Variants in LIPE observed in about 807,000 individuals in gnomAD.
The protein encoded by LIPE is lipase E, hormone sensitive type, also known as hormone-sensitive lipase.
A neutral mutation model predicts 88.5 loss-of-function variants in LIPE; 66 were observed. The observed-to-expected ratio is 0.75, with a 90% CI of 0.61 to 0.91. LIPE has a LOEUF of 0.91. Ranked by LOEUF, LIPE falls within the 40% of genes least tolerant of loss-of-function variation. The pLI is 0.00. For synonymous variants in LIPE, 570 were observed against 617.5 expected, an observed-to-expected ratio of 0.92 and a Z score of 1.14; for missense variants, 1,346 against 1,434.7, an observed-to-expected ratio of 0.94 and a Z score of 1.00.
Position 42,402,736 on chromosome 19 carries a change from G to T in LIPE, c.2838C>A (p.His946Gln). The change falls in exon 9 of 10, where the codon CAC becomes CAA. Residue 946 changes from histidine to glutamine, a missense_variant. Coordinates refer to ENST00000244289, the MANE Select transcript of LIPE (RefSeq NM_005357.4). ...GVRAAFPEGF[H>Q]PRRSSQGATQ... ...TGGCACCCTGGCTGGAGCGTCGGGG[G>T]TGGAAACCCTCGGGGAAGGCGGCAC... 1 of 1,567,178 alleles carries T rather than the reference G, an allele frequency of 6.4e-7. No individual in the cohort carries two copies.
rs2040283899 is a variant in LIPE at position 42,408,966 on chromosome 19, C to T, written c.1420-644G>A. Among the ~76,000 whole-genome samples the T allele has an allele frequency of 6.6e-6, 1 of 151,934 alleles. No homozygotes were observed. Among genetic ancestry groups the T allele is most frequent in the South Asian group, 2.1e-4 (1 of 4,812 alleles). On this transcript the variant is annotated intron_variant, in intron 2 of 9. Coordinates refer to ENST00000244289, the MANE Select transcript of LIPE (RefSeq NM_005357.4). This position sits in a 1 kb window ranked among gnomAD's most constrained non-coding sequence, Gnocchi z 4.3. ...GAGGCAAAGGGGGCTCATATAGGGC[C>T]TGGGCAGAGGAATTTGGATTTCATT...
intron 1 of LIPE, among the ~76,000 whole-genome samples, chr19:42,419,803 T>C (rs1275229593): frequency 1.3e-5 from 2 of 151,990 alleles, no homozygotes; most frequent in African/African-American, 2.4e-5. Context: ...GTGGGGACAA[T>C]GAGTGGCTGG....
Position 42,407,463 on chromosome 19 carries a change from ACTGTC to A in LIPE, c.1843_1847del (p.Asp615Ter). 1 of 1,611,158 alleles carries A rather than the reference ACTGTC, an allele frequency of 6.2e-7. No individual in the cohort carries two copies. Among genetic ancestry groups the A allele is most frequent in the African/African-American group, 1.3e-5 (1 of 74,916 alleles). ...ACTTTATCAGGCTGCTGAGCTCCTCACTGTCCTGGGGGTGAGGAGGGAGACGGTGT... is the reference window on the plus strand; with the variant it reads ...ACTTTATCAGGCTGCTGAGCTCCTCACTGGGGGTGAGGAGGGAGACGGTGT... On this transcript the variant is annotated frameshift_variant and splice_region_variant, in exon 6 of 10. Transcript: ENST00000244289. LOFTEE classifies it high-confidence loss of function. This position sits in a 1 kb window ranked among gnomAD's most constrained non-coding sequence, Gnocchi z 5.8.
At position 42,410,758 on chromosome 19, in the gene LIPE, GAGA is replaced by G; in HGVS notation, c.965_967del (p.Phe322del). 1.2e-6 allele frequency: 2 copies of G among 1,613,034 alleles called. No individual in the cohort carries two copies. Among genetic ancestry groups the G allele is most frequent in the South Asian group, 1.1e-5 (1 of 90,938 alleles). ...GGCCGTTTCCCCAGGACCCTGGCTC[GAGA>G]AGAAGGCTATGTTGTCCTCCGCCAG... is the stretch of plus-strand genomic sequence containing the variant. On this transcript the variant is annotated inframe_deletion, in exon 2 of 10. Coordinates refer to ENST00000244289, the MANE Select transcript of LIPE (RefSeq NM_005357.4). This position sits in a 1 kb window ranked among gnomAD's most constrained non-coding sequence, Gnocchi z 6.1.
chr19:42,422,485 CGT>C (rs1491158658), intron 1 of LIPE, among the ~76,000 whole-genome samples: 1 of 152,148 alleles, frequency 6.6e-6, no homozygotes, highest in Non-Finnish European at 1.5e-5. Flanking sequence ...TCTGAGCCTG[CGT>C]GTGTCTGAAG....
intron 1 of LIPE, chr19:42,423,566 A>T (rs1480850490): frequency 3.3e-6 from 4 of 1,226,620 alleles, no homozygotes; most frequent in Non-Finnish European, 4.2e-6. Flanking sequence ...CGCGGGGGCC[A>T]ATTCCAGCCG....
intron 8 of LIPE, among the ~76,000 whole-genome samples, chr19:42,405,162 C>T (rs929624346): frequency 1.3e-5 from 2 of 152,186 alleles, no homozygotes; most frequent in East Asian, 1.9e-4. Flanking sequence ...ACCACCACAC[C>T]TGGCTAATAT....
chr19:42,421,694 C>A (rs750872514), intron 1 of LIPE, among the ~76,000 whole-genome samples: 1 of 152,192 alleles, frequency 6.6e-6, no homozygotes, highest in African/African-American at 2.4e-5. Context: ...GAAGCCCAGG[C>A]GGCCTTGGTC....
chr19:42,424,657 C>T (rs758727811), intron 1 of LIPE: 2 of 456,250 alleles, frequency 4.4e-6, no homozygotes, highest in South Asian at 1.5e-5. Context: ...GGAGGGGCCG[C>T]CATTGCCTGC....
At position 42,408,443 on chromosome 19, in the gene LIPE, A is replaced by G. The variant is rs2040263374; in HGVS notation, c.1420-121T>C. 3.8e-6 allele frequency: 3 copies of G among 789,440 alleles called. No homozygotes were observed. The highest frequency in any genetic ancestry group is 1.5e-5 in the South Asian group (1 of 68,286). 48.9% of individuals were successfully genotyped at this position (789,440 alleles called of 1,614,324 possible). A position where few individuals can be genotyped will look rare whatever the true frequency, so the allele number is the denominator to read the frequency against. Reference sequence around the variant, plus strand: ...TTCAGTAAACGTTTCATGAGCTCCTACTGTGTGCTGGGCATAGCTCTCGGC... The same window carrying G: ...TTCAGTAAACGTTTCATGAGCTCCTGCTGTGTGCTGGGCATAGCTCTCGGC... On this transcript the variant is annotated intron_variant, in intron 2 of 9. Coordinates refer to ENST00000244289, the MANE Select transcript of LIPE (RefSeq NM_005357.4). This position sits in a 1 kb window ranked among gnomAD's most constrained non-coding sequence, Gnocchi z 4.3.
Position 42,426,136 on chromosome 19 carries a change from A to T in LIPE, c.883+131T>A, listed in dbSNP as rs35135831. 5,395 of 256,032 alleles carry T rather than the reference A, an allele frequency of 0.021. 272 individuals are homozygous for T. The highest frequency in any genetic ancestry group is 0.15 in the African/African-American group (4,679 of 31,278). The allele number at this position is 256,032 out of a possible 1,614,324, so 15.9% of individuals were successfully genotyped here. A position where few individuals can be genotyped will look rare whatever the true frequency, so the allele number is the denominator to read the frequency against. ...TTTTTTTTTTTTTTTAATAATGGGGATGTTGATCTTTATCTCAGGATTGTT... is the reference window on the plus strand; with the variant it reads ...TTTTTTTTTTTTTTTAATAATGGGGTTGTTGATCTTTATCTCAGGATTGTT... On this transcript the variant is annotated intron_variant, in intron 1 of 9. Transcript: ENST00000244289.
At chr19:42,411,541 C>T (rs1460376155) in intron 1 of LIPE, among the ~76,000 whole-genome samples, 7 of 152,292 alleles carry the variant, frequency 4.6e-5, no homozygotes, top group African/African-American at 7.2e-5. Context: ...TCCCATCTCT[C>T]GGGACCCTGG....
In LIPE at chr19:42,410,550, G is replaced by A. The variant is rs1338389940; in HGVS notation, c.1176C>T (p.Arg392=). 1.2e-6 allele frequency: 2 copies of A among 1,612,808 alleles called. No individual in the cohort carries two copies. Among genetic ancestry groups the A allele is most frequent in the Non-Finnish European group, 1.7e-6 (2 of 1,179,972 alleles). The change falls in exon 2 of 10, where the codon CGC becomes CGT. Residue 392 remains arginine, a synonymous_variant. Transcript: ENST00000244289. The surrounding 1 kb of genome is among the most constrained non-coding windows in gnomAD (Gnocchi z 6.1). ...CCLAHLLHKS[R]YVASNRRSIF... ...TGCTGCGGCGGTTGGAGGCCACATA[G>A]CGGGATTTGTGCAGGAGGTGCGCCA...
At position 42,405,571 on chromosome 19, in the gene LIPE, A is replaced by G. The variant is rs771821634; in HGVS notation, c.2366-10T>C. ...TCCTCCGTCTTTGCACCTGCAGAAT[A>G]TATGTGGGTAGCTGAGTTGTTTTCC... On this transcript the variant is annotated splice_polypyrimidine_tract_variant and intron_variant, in intron 7 of 9. Coordinates refer to ENST00000244289, the MANE Select transcript of LIPE (RefSeq NM_005357.4). 5.5e-5 allele frequency: 89 copies of G among 1,605,878 alleles called. No homozygotes were observed. The highest frequency in any genetic ancestry group is 6.9e-5 in the Non-Finnish European group (81 of 1,173,938).
chr19:42,424,264 G>T (rs1245160953), intron 1 of LIPE: 1 of 522,786 alleles, frequency 1.9e-6, no homozygotes, highest in Non-Finnish European at 3.5e-6. Flanking sequence ...GCCGCGGGCC[G>T]GCCCAAGAGC....
chr19:42,406,483 T>G lies in LIPE; in HGVS notation c.2138-95A>C. 9.3e-7 allele frequency: 1 copy of G among 1,074,228 alleles called. No homozygotes were observed. Among genetic ancestry groups the G allele is most frequent in the Non-Finnish European group, 1.4e-6 (1 of 718,762 alleles). The allele number at this position is 1,074,228 out of a possible 1,614,324, so 66.5% of individuals were successfully genotyped here. On this transcript the variant is annotated intron_variant, in intron 6 of 9. Coordinates refer to ENST00000244289, the MANE Select transcript of LIPE (RefSeq NM_005357.4). The surrounding 1 kb of genome is among the most constrained non-coding windows in gnomAD (Gnocchi z 5.7). ...AACTCAAGCTGGGAGAACTGGGCTC[T>G]CCAAGGTGGGGTGTGGGGCACTCCA...
At position 42,407,942 on chromosome 19, in the gene LIPE, G is replaced by T; in HGVS notation, c.1656+34C>A. ...TACTGTGGCCTCAGATGAGTCTCTGGGCCTCAGTGTCCCCATCTGCAACAG... is the reference window on the plus strand; with the variant it reads ...TACTGTGGCCTCAGATGAGTCTCTGTGCCTCAGTGTCCCCATCTGCAACAG... On this transcript the variant is annotated intron_variant, in intron 4 of 9. Transcript: ENST00000244289. This position sits in a 1 kb window ranked among gnomAD's most constrained non-coding sequence, Gnocchi z 5.8. 6.2e-7 allele frequency: 1 copy of T among 1,602,088 alleles called. No homozygotes were observed. The highest frequency in any genetic ancestry group is 2.3e-5 in the East Asian group (1 of 44,314).
chr19:42,404,475 C>T (rs1463988369), intron 8 of LIPE, among the ~76,000 whole-genome samples: 43 of 152,214 alleles, frequency 2.8e-4, no homozygotes, highest in Admixed American at 2.4e-3. Flanking sequence ...GTGATCTGCC[C>T]GCCTCGGCCT....
intron 1 of LIPE, chr19:42,424,646 C>A: frequency 2.2e-6 from 1 of 456,292 alleles, no homozygotes; most frequent in South Asian, 1.5e-5. Context: ...GGCCTCTGGG[C>A]GGAGGGGCCG....
Sources: gnomAD v4.1 joint callset for allele counts (sites outside exome capture counted in the v4.1 genomes callset) on GRCh38, gnomAD v4.1.1 for gene constraint, Gnocchi (gnomAD v3.1) non-coding constraint, MANE v1.5 for transcripts, NCBI Gene and HGNC (gene_info 2026-07-23, HGNC 2026-07-21) for gene names.